The following SLC26A3 variants were observed in gnomAD, a reference collection of about 807,000 sequenced individuals.
The protein encoded by SLC26A3 is solute carrier family 26 member 3, also known as chloride anion exchanger.
Under a neutral mutation model 85.6 loss-of-function variants are expected in SLC26A3, and 64 were observed. The ratio of observed to expected loss-of-function variants is 0.75; its 90% confidence interval spans 0.61 to 0.92. SLC26A3 has a LOEUF of 0.92. Among genes scored for constraint, SLC26A3 ranks in the 40% least tolerant of loss-of-function variants. SLC26A3 has a pLI of 0.00. For missense variants in SLC26A3, 922 were observed against 927.3 expected, an observed-to-expected ratio of 0.99 and a Z score of 0.07; for synonymous variants, 349 against 336.0, an observed-to-expected ratio of 1.04 and a Z score of -0.42.
At chr7:107,797,169 C>G (rs4730262) in intron 1 of SLC26A3, among the ~76,000 whole-genome samples, 82,498 of 151,156 alleles carry the variant, frequency 0.55, 23,231 homozygotes, top group African/African-American at 0.68. Context: ...CCTGCAAGGG[C>G]CCTGCTCAGG....
chr7:107,801,320 A>C (rs753895197), intron 1 of SLC26A3, among the ~76,000 whole-genome samples: 33 of 152,022 alleles, frequency 2.2e-4, no homozygotes, highest in Non-Finnish European at 4.7e-4. Context: ...AAGAGAGACA[A>C]GGTAAAAGAA....
chr7:107,774,938 A>G, intron 15 of SLC26A3, 66 bp from the exon 16 acceptor site: 1 of 1,170,318 alleles, frequency 8.5e-7, no homozygotes, highest in South Asian at 1.2e-5. Context: ...CATAGTTCTA[A>G]CAACTTTAAC....
chr7:107,794,046 A>G (rs1477993240), intron 2 of SLC26A3, among the ~76,000 whole-genome samples, 165 bp from the exon 3 acceptor site: 1 of 152,194 alleles, frequency 6.6e-6, no homozygotes, highest in African/African-American at 2.4e-5. Context: ...GGTCACCAAC[A>G]AAGGATTTTT....
In SLC26A3 at chr7:107,767,885, G is replaced by A. The variant is rs780439320; in HGVS notation, c.2086C>T (p.Arg696Trp). The A allele has an allele frequency of 5.6e-6, 9 of 1,613,380 alleles. No homozygotes were observed. The highest frequency in any genetic ancestry group is 2.2e-5 in the East Asian group (1 of 44,854). ...ACTTCACCATCAAAAAATTCATACCGGTTAAGCTTCTCAATGAAGTCATCT... is the reference window on the plus strand; with the variant it reads ...ACTTCACCATCAAAAAATTCATACCAGTTAAGCTTCTCAATGAAGTCATCT... ...TDDDFIEKLN[R>W]YEFFDGEVKS... The change falls in exon 19 of 21, where the codon CGG (arginine) becomes TGG (tryptophan). Residue 696 changes from arginine (R) to tryptophan (W), a missense_variant. Coordinates refer to ENST00000340010, the MANE Select transcript of SLC26A3 (RefSeq NM_000111.3).
At chr7:107,770,242 T>C (rs1562874536) in intron 18 of SLC26A3, among the ~76,000 whole-genome samples, 61 of 42,950 alleles carry the variant, frequency 1.4e-3, no homozygotes, top group Middle Eastern at 0.011. Flanking sequence ...TTTTTTTTTT[T>C]TTTTTTTTTT....
intron 17 of SLC26A3, among the ~76,000 whole-genome samples, 189 bp from the exon 18 acceptor site, chr7:107,772,297 CAAAA>C (rs1434392804): frequency 6.6e-6 from 1 of 152,098 alleles, no homozygotes; most frequent in Non-Finnish European, 1.5e-5. Context: ...TAAACCCAAA[CAAAA>C]GAACCCTTCT....
chr7:107,778,383 G>A (rs1244201011), intron 12 of SLC26A3, 102 bp from the exon 13 acceptor site: 8 of 483,584 alleles, frequency 1.7e-5, no homozygotes, highest in South Asian at 8.0e-5. Context: ...TTTTTGTAGC[G>A]ACAGTGAGAC....
At chr7:107,794,286 A>G in intron 2 of SLC26A3, 93 bp downstream of exon 2, 3 of 1,403,140 alleles carry the variant, frequency 2.1e-6, no homozygotes, top group Non-Finnish European at 3.0e-6. Flanking sequence ...GCTGTGGACT[A>G]GAGCCAGAAA....
At chr7:107,780,343 G>A (rs1020248485) in intron 11 of SLC26A3, among the ~76,000 whole-genome samples, 2 of 152,160 alleles carry the variant, frequency 1.3e-5, no homozygotes, top group African/African-American at 2.4e-5. Flanking sequence ...CTGAGCCAAT[G>A]AATGAATATT....
In SLC26A3 at chr7:107,776,435, A is replaced by G; in HGVS notation, c.1677+17T>C. 6.3e-7 allele frequency: 1 copy of G among 1,595,656 alleles called. No individual in the cohort carries two copies. Among genetic ancestry groups the G allele is most frequent in the Non-Finnish European group, 8.6e-7 (1 of 1,163,460 alleles). ...GTAAGATTACAAGGAAAAAAATTAAATAACCCCAAACCTTACAGCATCGAT... is the reference window on the plus strand; with the variant it reads ...GTAAGATTACAAGGAAAAAAATTAAGTAACCCCAAACCTTACAGCATCGAT... On this transcript the variant is annotated intron_variant, in intron 15 of 20. Coordinates refer to ENST00000340010, the MANE Select transcript of SLC26A3 (RefSeq NM_000111.3).
intron 1 of SLC26A3, among the ~76,000 whole-genome samples, chr7:107,799,002 G>A (rs1363707729): frequency 6.6e-6 from 1 of 152,140 alleles, no homozygotes; most frequent in Non-Finnish European, 1.5e-5. Context: ...GGCAGCCAGA[G>A]GAATCAGAAA....
chr7:107,791,626 AAAT>A (rs1354176811), intron 4 of SLC26A3, among the ~76,000 whole-genome samples: 6 of 43,736 alleles, frequency 1.4e-4, no homozygotes, highest in African/African-American at 4.8e-4. Flanking sequence ...AAATAAATAA[AAAT>A]AAATAAATAA....
intron 5 of SLC26A3, among the ~76,000 whole-genome samples, 157 bp downstream of exon 5, chr7:107,790,891 T>C (rs1457054101): frequency 6.6e-6 from 1 of 152,070 alleles, no homozygotes; most frequent in African/African-American, 2.4e-5. Context: ...CTGGTTGTGG[T>C]GAGTGACCCT....
At chr7:107,790,026 A>G (rs1794366048) in intron 5 of SLC26A3, among the ~76,000 whole-genome samples, 2 of 152,316 alleles carry the variant, frequency 1.3e-5, no homozygotes, top group South Asian at 4.1e-4. Context: ...GTAGAATCTT[A>G]CCTAGCATCA....
rs770219051 is a variant in SLC26A3, at chr7:107,791,989, A to G, written c.272-49T>C. 3.6e-6 allele frequency: 4 copies of G among 1,105,214 alleles called. No homozygotes were observed. In the South Asian group the frequency reaches 3.7e-5, roughly 10 times the overall value. 68.5% of individuals were successfully genotyped at this position (1,105,214 alleles called of 1,614,324 possible). The stretch of plus-strand genomic sequence containing the variant: ...CCCTTACTCTGTGCAAGAGGAATCA[A>G]AGACATTCTCATTTGGTTCTTATGG... On this transcript the variant is annotated intron_variant, in intron 3 of 20. Transcript: ENST00000340010.
In SLC26A3 at chr7:107,794,227, C is replaced by A. The variant is rs200350260; in HGVS notation, c.131+152G>T. ...TTCATTTTAGACACTACCTTTCCAACTCTGTCAGGGAGTAGGAGGTTTGGA... is the reference window on the plus strand; with the variant it reads ...TTCATTTTAGACACTACCTTTCCAAATCTGTCAGGGAGTAGGAGGTTTGGA... On this transcript the variant is annotated intron_variant, in intron 2 of 20. Coordinates refer to ENST00000340010, the MANE Select transcript of SLC26A3 (RefSeq NM_000111.3). The A allele has an allele frequency of 3.7e-5, 33 of 885,532 alleles. No individual in the cohort carries two copies. The East Asian group carries it at 7.6e-4, about 21-fold the overall frequency. 54.9% of individuals were successfully genotyped at this position (885,532 alleles called of 1,614,324 possible).
intron 18 of SLC26A3, among the ~76,000 whole-genome samples, chr7:107,771,098 A>G (rs1235236648): frequency 1.3e-5 from 2 of 151,196 alleles, no homozygotes; most frequent in African/African-American, 4.9e-5. Context: ...AGAGGAAGAG[A>G]CTGATTTAAG....
In SLC26A3 at chr7:107,789,706, GC is replaced by G. The variant is rs1794361091; in HGVS notation, c.571-19del. The G allele has an allele frequency of 6.2e-7, 1 of 1,608,678 alleles. No individual in the cohort carries two copies. Among genetic ancestry groups the G allele is most frequent in the African/African-American group, 1.3e-5 (1 of 74,942 alleles). On this transcript the variant is annotated intron_variant, in intron 5 of 20. Coordinates refer to ENST00000340010, the MANE Select transcript of SLC26A3 (RefSeq NM_000111.3). ...AAAGCCAACTGGAAAGAGAACAAAA[GC>G]CTTTGTCAGCATAGATTAGGAGTAT...
intron 13 of SLC26A3, 126 bp downstream of exon 13, chr7:107,778,049 C>T (rs914065353): frequency 1.5e-5 from 11 of 728,374 alleles, no homozygotes; most frequent in African/African-American, 1.7e-5. Flanking sequence ...GGATAAACTG[C>T]CCCATCCTGA....
Sources: gnomAD v4.1 joint callset for allele counts (sites outside exome capture counted in the v4.1 genomes callset) on GRCh38, gnomAD v4.1.1 for gene constraint, MANE v1.5 for transcripts, NCBI Gene and HGNC (gene_info 2026-07-23, HGNC 2026-07-21) for gene names.